Variants in CNTN4 observed in about 807,000 individuals in gnomAD.
CNTN4 encodes the protein contactin-4.
Under a neutral mutation model 122.5 loss-of-function variants are expected in CNTN4, and 77 were observed. The observed-to-expected ratio is 0.63, with a 90% CI of 0.52 to 0.76. The LOEUF is 0.76. Ranked by LOEUF, CNTN4 falls within the 30% of genes least tolerant of loss-of-function variation. The pLI is 0.00. For synonymous variants in CNTN4, 512 were observed against 447.0 expected, an observed-to-expected ratio of 1.15 and a Z score of -1.83; for missense variants, 1,256 against 1,259.1, an observed-to-expected ratio of 1.00 and a Z score of 0.04.
intron 6 of CNTN4, among the ~76,000 whole-genome samples, chr3:2,762,062 A>G (rs2090615542): frequency 6.6e-6 from 1 of 152,216 alleles, no homozygotes; most frequent in Non-Finnish European, 1.5e-5. Context: ...TATGAAGTCT[A>G]CATCCAGTAG....
intron 2 of CNTN4, among the ~76,000 whole-genome samples, chr3:2,192,402 A>G (rs564880452): frequency 6.6e-6 from 1 of 152,258 alleles, no homozygotes; most frequent in East Asian, 1.9e-4. Flanking sequence ...TTGTTTCCTG[A>G]CTTTTTAATG....
intron 2 of CNTN4, among the ~76,000 whole-genome samples, chr3:2,151,659 C>T (rs999471694): frequency 6.6e-6 from 1 of 152,182 alleles, no homozygotes; most frequent in Non-Finnish European, 1.5e-5. Flanking sequence ...GATCTGCCCT[C>T]AAGAATGGAT....
intron 4 of CNTN4, among the ~76,000 whole-genome samples, chr3:2,652,236 A>G (rs1216256883): frequency 6.6e-6 from 1 of 152,160 alleles, no homozygotes; most frequent in South Asian, 2.1e-4. Flanking sequence ...ACAGACAAAC[A>G]CAATAACACA....
intron 3 of CNTN4, among the ~76,000 whole-genome samples, chr3:2,510,286 G>C (rs192751559): frequency 6.6e-6 from 1 of 151,938 alleles, no homozygotes; most frequent in Admixed American, 6.6e-5. Context: ...CATTGTAAGC[G>C]TTCTCAGAGG....
intron 23 of CNTN4, 96 bp from the exon 24 acceptor site, chr3:3,053,711 A>C (rs1701499935): frequency 7.8e-7 from 1 of 1,282,906 alleles, no homozygotes; most frequent in Non-Finnish European, 1.1e-6. Flanking sequence ...ACATCCCTGC[A>C]TTTTGCTCGT....
chr3:2,151,806 G>A (rs2035505316), intron 2 of CNTN4, among the ~76,000 whole-genome samples: 1 of 152,166 alleles, frequency 6.6e-6, no homozygotes. Flanking sequence ...GTGCCACCTT[G>A]GGACCCTGCT....
rs974164771 is a variant in CNTN4 at position 2,709,638 on chromosome 3, G to A, written c.56-26577G>A. Among the ~76,000 whole-genome samples the A allele has an allele frequency of 6.6e-6, 1 of 152,166 alleles. No individual in the cohort carries two copies. Among genetic ancestry groups the A allele is most frequent in the African/African-American group, 2.4e-5 (1 of 41,434 alleles). Reference sequence around the variant, plus strand: ...CATTTAAATTCCACAATGTGGCTGGGTGCGGTGGCTCTCACCTGTAACCGC... The same window carrying A: ...CATTTAAATTCCACAATGTGGCTGGATGCGGTGGCTCTCACCTGTAACCGC... On this transcript the variant is annotated intron_variant, in intron 4 of 24. Coordinates refer to ENST00000418658, the MANE Select transcript of CNTN4 (RefSeq NM_175607.3). The surrounding 1 kb of genome is among the most constrained non-coding windows in gnomAD (Gnocchi z 5.0).
At chr3:2,369,089 A>G (rs2045530289) in intron 3 of CNTN4, among the ~76,000 whole-genome samples, 2 of 151,716 alleles carry the variant, frequency 1.3e-5, no homozygotes, top group Non-Finnish European at 2.9e-5. Flanking sequence ...ATGCCCGGCT[A>G]TTTTTTTCTA....
At chr3:2,993,191 A>G (rs915072038) in intron 14 of CNTN4, among the ~76,000 whole-genome samples, 2 of 152,204 alleles carry the variant, frequency 1.3e-5, no homozygotes, top group African/African-American at 4.8e-5. Flanking sequence ...TTTAGTGTCC[A>G]TAAATAAAGT....
intron 3 of CNTN4, among the ~76,000 whole-genome samples, chr3:2,424,519 T>C (rs1255421922): frequency 6.6e-6 from 1 of 152,194 alleles, no homozygotes; most frequent in Non-Finnish European, 1.5e-5. Flanking sequence ...AGTGCCGCAC[T>C]AAACATATGT....
chr3:2,583,847 A>G (rs781216167), intron 4 of CNTN4, among the ~76,000 whole-genome samples: 10 of 152,196 alleles, frequency 6.6e-5, no homozygotes, highest in Non-Finnish European at 1.0e-4. Flanking sequence ...TTGTGGGCTG[A>G]CACAATTTGT....
intron 2 of CNTN4, among the ~76,000 whole-genome samples, chr3:2,255,529 A>G (rs1372452601): frequency 2.0e-5 from 3 of 152,146 alleles, no homozygotes; most frequent in Non-Finnish European, 4.4e-5. Context: ...GTAAACTCTA[A>G]TAATTGGAAG....
chr3:2,748,650 A>G (rs1466173818), intron 6 of CNTN4, among the ~76,000 whole-genome samples: 1 of 152,202 alleles, frequency 6.6e-6, no homozygotes, highest in East Asian at 1.9e-4. Flanking sequence ...CTCCAATTTC[A>G]TCCACGTGTT....
intron 13 of CNTN4, among the ~76,000 whole-genome samples, chr3:2,933,060 G>A (rs542802247): frequency 1.3e-5 from 2 of 152,024 alleles, no homozygotes; most frequent in Non-Finnish European, 2.9e-5. Context: ...CTGACCTCGT[G>A]ATCCGCCCGC....
chr3:2,822,135 G>C (rs1046166998), intron 7 of CNTN4, among the ~76,000 whole-genome samples: 3 of 152,136 alleles, frequency 2.0e-5, no homozygotes, highest in African/African-American at 7.2e-5. Flanking sequence ...GAAAATCTAG[G>C]TTTGATTTCA....
intron 13 of CNTN4, among the ~76,000 whole-genome samples, chr3:2,927,061 A>G (rs542450357): frequency 6.6e-6 from 1 of 152,170 alleles, no homozygotes; most frequent in African/African-American, 2.4e-5. Flanking sequence ...TATAGTTGAA[A>G]TATAACTAGT....
At chr3:2,184,542 G>A (rs552994557) in intron 2 of CNTN4, among the ~76,000 whole-genome samples, 7 of 152,190 alleles carry the variant, frequency 4.6e-5, no homozygotes, top group East Asian at 1.9e-4. Context: ...TGAACCACCC[G>A]CCTGCTGTGG....
chr3:2,229,139 T>C (rs1575126890), intron 2 of CNTN4, among the ~76,000 whole-genome samples: 1 of 152,212 alleles, frequency 6.6e-6, no homozygotes, highest in South Asian at 2.1e-4. Context: ...GCTAAGATGA[T>C]GGTTGTTCAT....
chr3:2,939,725 C>T (rs75055336), intron 13 of CNTN4, among the ~76,000 whole-genome samples: 1,579 of 152,248 alleles, frequency 0.01, 30 homozygotes, highest in African/African-American at 0.036. Flanking sequence ...TTCTTAATGC[C>T]TATTTGTAAT....
Sources: gnomAD v4.1 joint callset for allele counts (sites outside exome capture counted in the v4.1 genomes callset) on GRCh38, gnomAD v4.1.1 for gene constraint, Gnocchi (gnomAD v3.1) non-coding constraint, MANE v1.5 for transcripts, NCBI Gene and HGNC (gene_info 2026-07-23, HGNC 2026-07-21) for gene names.